The following EPHA5 variants were observed in gnomAD, a reference collection of about 807,000 sequenced individuals.
EPHA5 encodes ephrin type-A receptor 5.
Under a neutral mutation model 105.0 loss-of-function variants are expected in EPHA5, and 60 were observed. The observed-to-expected ratio is 0.57, with a 90% CI of 0.46 to 0.71. EPHA5 has a LOEUF of 0.71. Ranked by LOEUF, EPHA5 falls within the 30% of genes least tolerant of loss-of-function variation. EPHA5 has a pLI of 0.00. For missense variants in EPHA5, 1,218 were observed against 1,274.7 expected (o/e 0.96, Z 0.68); for synonymous variants, 513 against 449.1 (o/e 1.14, Z -1.80).
At chr4:65,410,556 A>G (rs1323499644) in intron 7 of EPHA5, among the ~76,000 whole-genome samples, 2 of 152,184 alleles carry the variant, frequency 1.3e-5, no homozygotes, top group African/African-American at 4.8e-5. Flanking sequence ...AGAATCTAAT[A>G]CACATACGTA....
intron 2 of EPHA5, among the ~76,000 whole-genome samples, chr4:65,640,980 G>A (rs1344466761): frequency 6.6e-6 from 1 of 152,114 alleles, no homozygotes; most frequent in Non-Finnish European, 1.5e-5. Flanking sequence ...CCCTCACACA[G>A]AAGAAAAATC....
intron 14 of EPHA5, among the ~76,000 whole-genome samples, chr4:65,340,002 T>G (rs1271893868): frequency 6.6e-6 from 1 of 152,190 alleles, no homozygotes; most frequent in Admixed American, 6.5e-5. Flanking sequence ...ACTTTTGTAC[T>G]TCATGAAGTG....
intron 8 of EPHA5, among the ~76,000 whole-genome samples, chr4:65,371,130 G>T (rs1391436888): frequency 6.6e-6 from 1 of 151,246 alleles, no homozygotes; most frequent in Non-Finnish European, 1.5e-5. Flanking sequence ...TTTAAATTTT[G>T]TTTCATATCA....
intron 3 of EPHA5, among the ~76,000 whole-genome samples, chr4:65,521,923 G>A (rs181276818): frequency 1.3e-5 from 2 of 152,110 alleles, no homozygotes; most frequent in Admixed American, 6.6e-5. Context: ...CAGATTTAGA[G>A]CTGCCAGAGC....
intron 2 of EPHA5, among the ~76,000 whole-genome samples, chr4:65,617,078 C>T (rs58598040): frequency 0.022 from 3,314 of 152,174 alleles, 133 homozygotes; most frequent in African/African-American, 0.076. Context: ...CACACATTTA[C>T]ATTTTTCTGT....
At chr4:65,664,141 T>A (rs1749770241) in intron 1 of EPHA5, among the ~76,000 whole-genome samples, 1 of 151,888 alleles carries the variant, frequency 6.6e-6, no homozygotes, top group Non-Finnish European at 1.5e-5. Context: ...AGAAAAACTG[T>A]CCTAAGAATT....
At chr4:65,564,808 TA>T (rs1053135693) in intron 3 of EPHA5, among the ~76,000 whole-genome samples, 61 of 151,376 alleles carry the variant, frequency 4.0e-4, no homozygotes, top group African/African-American at 1.4e-3. Flanking sequence ...TAGAAACAAT[TA>T]ATAATGCAAG....
chr4:65,417,025 C>T (rs1474027121), intron 6 of EPHA5, among the ~76,000 whole-genome samples: 3 of 152,226 alleles, frequency 2.0e-5, no homozygotes, highest in Non-Finnish European at 4.4e-5. Flanking sequence ...GAGCTACATT[C>T]CCCAGCTGCT....
intron 7 of EPHA5, among the ~76,000 whole-genome samples, chr4:65,408,421 T>C (rs919163759): frequency 2.0e-5 from 3 of 152,010 alleles, no homozygotes; most frequent in Admixed American, 1.3e-4. Flanking sequence ...TAAAAGAAAA[T>C]ATTGAAGCAA....
chr4:65,550,573 C>T (rs941684305), intron 3 of EPHA5, among the ~76,000 whole-genome samples: 21 of 152,090 alleles, frequency 1.4e-4, no homozygotes, highest in African/African-American at 5.1e-4. Context: ...CGGTGGCTCA[C>T]GTCTGTAATC....
intron 5 of EPHA5, 88 bp from the exon 6 acceptor site, chr4:65,420,653 A>G (rs1723861746): frequency 8.2e-7 from 1 of 1,221,646 alleles, no homozygotes; most frequent in Non-Finnish European, 1.1e-6. Flanking sequence ...TGGCATTTTG[A>G]GAACGTAGCA....
intron 1 of EPHA5, among the ~76,000 whole-genome samples, chr4:65,658,722 A>G (rs1258584322): frequency 2.0e-5 from 3 of 152,078 alleles, no homozygotes; most frequent in African/African-American, 7.2e-5. Context: ...CCCAAGTCAC[A>G]CAGCTCTAAG....
chr4:65,569,077 T>C (rs557132836), intron 3 of EPHA5, among the ~76,000 whole-genome samples: 4 of 151,514 alleles, frequency 2.6e-5, no homozygotes, highest in South Asian at 2.1e-4. Context: ...AAACATGCCA[T>C]TGCAAAAAAT....
chr4:65,379,298 C>A lies in EPHA5; in HGVS notation c.1794-11874G>T, dbSNP rs189094768. Among the ~76,000 whole-genome samples the A allele has an allele frequency of 2.6e-4, 40 of 151,800 alleles. 1 individual carries two copies. The East Asian group carries it at 6.4e-3, about 24-fold the overall frequency. On this transcript the variant is annotated intron_variant, in intron 8 of 16. Transcript: ENST00000613740. ...ACATACACACACACACACACACTCA[C>A]ACAGAATTCACTATAACACCAAATC... is the stretch of plus-strand genomic sequence containing the variant.
intron 3 of EPHA5, among the ~76,000 whole-genome samples, chr4:65,559,232 A>G (rs1245742732): frequency 1.3e-5 from 2 of 152,058 alleles, no homozygotes; most frequent in Non-Finnish European, 2.9e-5. Context: ...TTCAACAATA[A>G]TTTTTCAATT....
intron 3 of EPHA5, among the ~76,000 whole-genome samples, chr4:65,526,527 G>C (rs1241837548): frequency 6.6e-6 from 1 of 151,858 alleles, no homozygotes; most frequent in African/African-American, 2.4e-5. Flanking sequence ...TGTTTTATCA[G>C]ATATTTTTTA....
chr4:65,448,265 A>G (rs1578139594), intron 5 of EPHA5, among the ~76,000 whole-genome samples: 1 of 152,034 alleles, frequency 6.6e-6, no homozygotes, highest in Non-Finnish European at 1.5e-5. Context: ...AAACAAGTAA[A>G]AAAAAAAGGA....
At chr4:65,451,645 G>A (rs935695201) in intron 5 of EPHA5, among the ~76,000 whole-genome samples, 18 of 152,128 alleles carry the variant, frequency 1.2e-4, no homozygotes, top group Non-Finnish European at 7.4e-5. Context: ...TATAACTATA[G>A]TCAGGTGCTG....
At chr4:65,607,006 A>T (rs1265428415) in intron 2 of EPHA5, among the ~76,000 whole-genome samples, 2 of 152,286 alleles carry the variant, frequency 1.3e-5, no homozygotes, top group South Asian at 4.1e-4. Flanking sequence ...TAAATATAAT[A>T]TCTTCTCAAG....
Sources: allele counts gnomAD v4.1 joint callset (sites outside exome capture counted in the v4.1 genomes callset), GRCh38; gene constraint gnomAD v4.1.1; transcripts MANE v1.5; gene names NCBI Gene and HGNC (gene_info 2026-07-23, HGNC 2026-07-21).